Variants in RARG observed in about 807,000 individuals in gnomAD.
RARG encodes retinoic acid receptor gamma.
A neutral mutation model predicts 43.7 loss-of-function variants in RARG; 17 were observed. The ratio of observed to expected loss-of-function variants is 0.39; its 90% CI spans 0.27 to 0.58. RARG has a LOEUF of 0.58. Among genes scored for constraint, RARG ranks in the 20% least tolerant of loss-of-function variants. The pLI is 0.57. For synonymous variants in RARG, 238 were observed against 236.4 expected, an observed-to-expected ratio of 1.01 and a Z score of -0.06; for missense variants, 346 against 598.7, an observed-to-expected ratio of 0.58 and a Z score of 4.40.
At chr12:53,225,483 C>T (rs1943085206) in intron 3 of RARG, among the ~76,000 whole-genome samples, 1 of 152,196 alleles carries the variant, frequency 6.6e-6, no homozygotes. Flanking sequence ...GAGCTGCCAG[C>T]CCAGCCTAGT....
chr12:53,227,326 C>T lies in RARG; in HGVS notation c.184+36G>A. ...CACCCTCCTGATGCCTTCTTGTTAA[C>T]ATTTGCCTTCATTCCCCAAGATCCC... On this transcript the variant is annotated intron_variant, in intron 3 of 9. Coordinates refer to ENST00000425354, the MANE Select transcript of RARG (RefSeq NM_000966.6). The surrounding 1 kb of genome is among the most constrained non-coding windows in gnomAD (Gnocchi z 4.3). 1 of 1,493,250 alleles carries T rather than the reference C, an allele frequency of 6.7e-7. No homozygotes were observed. The highest frequency in any genetic ancestry group is 1.3e-5 in the South Asian group (1 of 74,250). 92.5% of individuals were successfully genotyped at this position (1,493,250 alleles called of 1,614,324 possible).
At position 53,215,441 on chromosome 12, in the gene RARG, T is replaced by A; in HGVS notation, c.334-7A>T. 1 of 1,613,708 alleles carries A rather than the reference T, an allele frequency of 6.2e-7. No individual in the cohort carries two copies. The highest frequency in any genetic ancestry group is 1.1e-5 in the South Asian group (1 of 91,062). ...TGCTTCGGCGAAAGAAGCCCTGGAG[T>A]TGAGGGAAAGAGAGAGGGCCTCTGA... On this transcript the variant is annotated splice_polypyrimidine_tract_variant and splice_region_variant and intron_variant, in intron 4 of 9. Transcript: ENST00000425354. This position sits in a 1 kb window ranked among gnomAD's most constrained non-coding sequence, Gnocchi z 6.4.
At chr12:53,230,832 AGTGC>A (rs1372898311) in intron 2 of RARG, among the ~76,000 whole-genome samples, 12 of 138,846 alleles carry the variant, frequency 8.6e-5, no homozygotes, top group Admixed American at 2.9e-4. Context: ...TGTAGGCCAC[AGTGC>A]GTGTGTGTGT....
chr12:53,220,307 G>A, intron 3 of RARG: 1 of 1,422,366 alleles, frequency 7.0e-7, no homozygotes, highest in Non-Finnish European at 9.2e-7. Context: ...GCGAAGCTGG[G>A]GCTGCCGCTT....
intron 3 of RARG, chr12:53,220,189 A>C: frequency 7.4e-7 from 1 of 1,360,206 alleles, no homozygotes; most frequent in Non-Finnish European, 9.7e-7. Context: ...GCCCCGCTCC[A>C]GCAGGGGGGG....
Position 53,227,226 on chromosome 12 carries a change from T to A in RARG, c.184+136A>T, listed in dbSNP as rs1943130059. ...CACCACCACTACCACCCTCCATTAT[T>A]CACTACTACTCCATTAGGCCAAACC... On this transcript the variant is annotated intron_variant, in intron 3 of 9. Coordinates refer to ENST00000425354, the MANE Select transcript of RARG (RefSeq NM_000966.6). The surrounding 1 kb of genome is among the most constrained non-coding windows in gnomAD (Gnocchi z 4.3). 1 of 862,838 alleles carries A rather than the reference T, an allele frequency of 1.2e-6. No individual in the cohort carries two copies. Among genetic ancestry groups the A allele is most frequent in the Admixed American group, 3.2e-5 (1 of 30,934 alleles). The allele number at this position is 862,838 out of a possible 1,614,324, so 53.4% of individuals were successfully genotyped here.
intron 9 of RARG, among the ~76,000 whole-genome samples, chr12:53,212,425 G>GTGT (rs552356450): frequency 3.3e-3 from 498 of 151,868 alleles, no homozygotes; most frequent in African/African-American, 4.0e-3. Flanking sequence ...TTTTTTTGTT[G>GTGT]TGTTGTTGTT....
chr12:53,221,183 C>G (rs1942951233), intron 3 of RARG, among the ~76,000 whole-genome samples: 1 of 150,928 alleles, frequency 6.6e-6, no homozygotes, highest in Non-Finnish European at 1.5e-5. Context: ...CCAGCGCAGC[C>G]AGAGTCTACC....
rs141449956 is a variant in RARG at position 53,213,738 on chromosome 12, T to C, written c.814-38A>G. ...GGTGGAGGAGGGTTAGTGCTGTTTC[T>C]GGGGGATGGGGAAAAGAGGGAATGA... On this transcript the variant is annotated intron_variant, in intron 7 of 9. Coordinates refer to ENST00000425354, the MANE Select transcript of RARG (RefSeq NM_000966.6). The surrounding 1 kb of genome is among the most constrained non-coding windows in gnomAD (Gnocchi z 4.7). 29 of 1,525,698 alleles carry C rather than the reference T, an allele frequency of 1.9e-5. No homozygotes were observed. The highest frequency in any genetic ancestry group is 6.9e-5 in the African/African-American group (5 of 72,060). 94.5% of individuals were successfully genotyped at this position (1,525,698 alleles called of 1,614,324 possible). A position where few individuals can be genotyped will look rare whatever the true frequency, so the allele number is the denominator to read the frequency against.
intron 3 of RARG, among the ~76,000 whole-genome samples, chr12:53,216,146 G>A (rs1454309248): frequency 1.3e-5 from 2 of 152,158 alleles, no homozygotes; most frequent in Admixed American, 6.5e-5. Flanking sequence ...CCAGGAGGTG[G>A]GTAGAAGAGT....
At chr12:53,220,256 A>T in intron 3 of RARG, 5 of 698,844 alleles carry the variant, frequency 7.2e-6, no homozygotes, top group Admixed American at 3.2e-5. Flanking sequence ...TGGGCGGGGA[A>T]GAGGGGGGAT....
intron 3 of RARG, among the ~76,000 whole-genome samples, chr12:53,218,859 T>C (rs1011815590): frequency 2.6e-4 from 36 of 138,242 alleles, no homozygotes; most frequent in Non-Finnish European, 4.7e-4. Context: ...CCCCGGGCCG[T>C]CCGCACCCAG....
Position 53,213,358 on chromosome 12 carries a change from C to G in RARG, c.1019-115G>C, listed in dbSNP as rs1942663516. 6.7e-7 allele frequency: 1 copy of G among 1,482,968 alleles called. No individual in the cohort carries two copies. Among genetic ancestry groups the G allele is most frequent in the Non-Finnish European group, 9.3e-7 (1 of 1,075,944 alleles). 91.9% of individuals were successfully genotyped at this position (1,482,968 alleles called of 1,614,324 possible). ...GAAGCCTGTACAGGGTTTCAGAACT[C>G]TCTGGATGGGGCCAGGTGCAAGAAT... is the stretch of plus-strand genomic sequence containing the variant. On this transcript the variant is annotated intron_variant, in intron 8 of 9. Transcript: ENST00000425354. This position sits in a 1 kb window ranked among gnomAD's most constrained non-coding sequence, Gnocchi z 4.7.
At chr12:53,212,900 C>T (rs970732096) in intron 9 of RARG, among the ~76,000 whole-genome samples, 185 bp downstream of exon 9, 1 of 152,158 alleles carries the variant, frequency 6.6e-6, no homozygotes, top group African/African-American at 2.4e-5. Context: ...GAAAGTTCTA[C>T]TGGACAGTAC....
chr12:53,222,233 G>GAGAAAGAAAGAAAA (rs147773701), intron 3 of RARG, among the ~76,000 whole-genome samples: 37,908 of 149,574 alleles, frequency 0.25, 6,112 homozygotes, highest in African/African-American at 0.45. Flanking sequence ...AAGAAAGAGA[G>GAGAAAGAAAGAAAA]AGAAAGAAAA....
Position 53,211,821 on chromosome 12 carries a change from G to C in RARG, c.1220C>G (p.Pro407Arg), listed in dbSNP as rs760999231. Residue 407 changes from proline to arginine, a missense_variant, in exon 10 of 10, where the codon CCG becomes CGG. Pro to Arg is a moderately radical substitution (Grantham distance 103, BLOSUM62 -2). Coordinates refer to ENST00000425354, the MANE Select transcript of RARG (RefSeq NM_000966.6). This position sits in a 1 kb window ranked among gnomAD's most constrained non-coding sequence, Gnocchi z 4.6. Reference protein sequence around the residue: ...AITLKMEIPGPMPPLIREMLE... With the variant: ...AITLKMEIPGRMPPLIREMLE... ...CATCTCTCGGATTAAGGGAGGCATC[G>C]GGCCTGGAATCTCCATCTTCAGAGT... 5.2e-6 allele frequency: 8 copies of C among 1,524,790 alleles called. No individual in the cohort carries two copies. Among genetic ancestry groups the C allele is most frequent in the Non-Finnish European group, 7.1e-6 (8 of 1,134,650 alleles). 94.5% of individuals were successfully genotyped at this position (1,524,790 alleles called of 1,614,324 possible).
chr12:53,220,488 C>A (rs1217008749), intron 3 of RARG: 1 of 508,118 alleles, frequency 2.0e-6, no homozygotes, highest in Non-Finnish European at 3.1e-6. Context: ...CGTACACTCG[C>A]TCCGCGGCGC....
chr12:53,218,500 A>G (rs1942842045), intron 3 of RARG, among the ~76,000 whole-genome samples: 2 of 152,096 alleles, frequency 1.3e-5, no homozygotes, highest in Non-Finnish European at 2.9e-5. Context: ...CAATGAGAGG[A>G]AAGTTAAGAA....
At chr12:53,224,543 C>T (rs1290628164) in intron 3 of RARG, among the ~76,000 whole-genome samples, 5 of 152,042 alleles carry the variant, frequency 3.3e-5, no homozygotes, top group South Asian at 2.1e-4. Context: ...GACAGCAGGT[C>T]GGAGAAATGA....
Sources: gnomAD v4.1 joint callset for allele counts (sites outside exome capture counted in the v4.1 genomes callset) on GRCh38, gnomAD v4.1.1 for gene constraint, Gnocchi (gnomAD v3.1) non-coding constraint, MANE v1.5 for transcripts, NCBI Gene and HGNC (gene_info 2026-07-23, HGNC 2026-07-21) for gene names.